C9orf43: variants seen among roughly 807,000 people sequenced by gnomAD.
The protein encoded by C9orf43 is uncharacterized protein C9orf43.
In C9orf43, 45 loss-of-function variants were observed where a neutral mutation model predicts 59.1. The observed-to-expected ratio is 0.76, with a 90% confidence interval of 0.60 to 0.98. The LOEUF (loss-of-function observed/expected upper bound fraction) is 0.98, where lower values mean the gene tolerates loss of function less well. Ranked by LOEUF, C9orf43 falls within the 50% of genes least tolerant of loss-of-function variation. The pLI, the probability that C9orf43 is intolerant of heterozygous loss-of-function variation, is 0.00. For missense variants in C9orf43, 533 were observed against 554.9 expected, an observed-to-expected ratio of 0.96 and a Z score of 0.40; for synonymous variants, 203 against 196.8, an observed-to-expected ratio of 1.03 and a Z score of -0.26.
At position 113,413,454 on chromosome 9, in the gene C9orf43, A is replaced by G. The variant is rs1828245697; in HGVS notation, c.-40A>G. 2 of 1,592,484 alleles carry G rather than the reference A, an allele frequency of 1.3e-6. No homozygotes were observed. The highest frequency in any genetic ancestry group is 1.7e-6 in the Non-Finnish European group (2 of 1,163,814). On this transcript the variant is annotated 5_prime_UTR_variant, in exon 2 of 14. An upstream start codon of the reference 5' UTR is lost. Coordinates refer to ENST00000374165, the MANE Select transcript of C9orf43 (RefSeq NM_001278629.2). ...GCTGTTGATTTTCCAGAGCACTAGAATGCTGCAGGGTTGGCCTTTGGCCTA... is the reference window on the plus strand; with the variant it reads ...GCTGTTGATTTTCCAGAGCACTAGAGTGCTGCAGGGTTGGCCTTTGGCCTA...
At position 113,424,220 on chromosome 9, in the gene C9orf43, G is replaced by T. The variant is rs781076077; in HGVS notation, c.711G>T (p.Leu237Phe). 60 of 1,613,874 alleles carry T rather than the reference G, an allele frequency of 3.7e-5. No homozygotes were observed. The highest frequency in any genetic ancestry group is 1.7e-4 in the Middle Eastern group (1 of 6,058). ...TMLCPEMKIK[L>F]AMMKKNLPLE... ...TCTGTCCAGAGATGAAGATAAAATT[G>T]GCCATGATGAAAAAGAATCTTCCCT... The change falls in exon 8 of 14, where the codon TTG becomes TTT. Residue 237 changes from leucine (L) to phenylalanine (F), a missense_variant. Transcript: ENST00000374165.
Position 113,429,280 on chromosome 9 carries a change from C to T in C9orf43, c.1280C>T (p.Ser427Leu), listed in dbSNP as rs1828901046. 6.2e-7 allele frequency: 1 copy of T among 1,614,114 alleles called. No individual in the cohort carries two copies. Among genetic ancestry groups the T allele is most frequent in the African/African-American group, 1.3e-5 (1 of 74,936 alleles). ...CAAAAGAAGATCTCCTTTAACTTTT[C>T]AGAAATTATGGCTAGCACAGGCTGG... ...ARQKKISFNF[S>L]EIMASTGWNS... Residue 427 changes from serine (S) to leucine (L), a missense_variant, in exon 14 of 14, where the codon TCA becomes TTA. By Grantham distance (145) the Ser-to-Leu change is moderately radical. Coordinates refer to ENST00000374165, the MANE Select transcript of C9orf43 (RefSeq NM_001278629.2).
chr9:113,418,193 A>G (rs1423908521), intron 3 of C9orf43, among the ~76,000 whole-genome samples: 10 of 152,230 alleles, frequency 6.6e-5, no homozygotes. Context: ...CATGTCAAAC[A>G]AAAACTGTAT....
intron 4 of C9orf43, among the ~76,000 whole-genome samples, chr9:113,419,422 A>G (rs1237836121): frequency 1.3e-5 from 2 of 152,152 alleles, no homozygotes; most frequent in Non-Finnish European, 2.9e-5. Context: ...TTCTGTCTCT[A>G]TCCTGCATAG....
chr9:113,410,828 G>C lies in C9orf43; in HGVS notation c.-223G>C, dbSNP rs1352701522. 3.7e-6 allele frequency: 2 copies of C among 535,738 alleles called. No individual in the cohort carries two copies. Among genetic ancestry groups the C allele is most frequent in the Non-Finnish European group, 4.8e-6 (2 of 415,760 alleles). The allele number at this position is 535,738 out of a possible 1,614,324, so 33.2% of individuals were successfully genotyped here. A position where few individuals can be genotyped will look rare whatever the true frequency, so the allele number is the denominator to read the frequency against. On this transcript the variant is annotated 5_prime_UTR_variant, in exon 1 of 14. Coordinates refer to ENST00000374165, the MANE Select transcript of C9orf43 (RefSeq NM_001278629.2). ...GGGCCACGTTTTACCACTTGATTTA[G>C]CAACCCTAAGCGGTTTGGAATCTGC...
In C9orf43 at chr9:113,417,927, A is replaced by G. The variant is rs1190085134; in HGVS notation, c.288-1181A>G. On this transcript the variant is annotated intron_variant, in intron 3 of 13. Coordinates refer to ENST00000374165, the MANE Select transcript of C9orf43 (RefSeq NM_001278629.2). Reference sequence around the variant, plus strand: ...TATCTTTTTTTTGTTTTTAAATTCCACTATCATTCCTAAAGATCTTTATCA... The same window carrying G: ...TATCTTTTTTTTGTTTTTAAATTCCGCTATCATTCCTAAAGATCTTTATCA... Among the ~76,000 whole-genome samples, 5 of 152,116 alleles carry G rather than the reference A, an allele frequency of 3.3e-5. No individual in the cohort carries two copies. The East Asian group carries it at 5.8e-4, about 18-fold the overall frequency.
At chr9:113,424,682 A>G (rs1350287393) in intron 8 of C9orf43, among the ~76,000 whole-genome samples, 1 of 151,946 alleles carries the variant, frequency 6.6e-6, no homozygotes, top group Non-Finnish European at 1.5e-5. Context: ...GTGCGCCACC[A>G]TGGCTGGCTA....
intron 4 of C9orf43, among the ~76,000 whole-genome samples, chr9:113,420,340 A>G (rs893284384): frequency 1.1e-4 from 16 of 152,080 alleles, no homozygotes; most frequent in Admixed American, 2.6e-4. Flanking sequence ...CAATCCTCCT[A>G]CCTCTGTCTA....
intron 3 of C9orf43, among the ~76,000 whole-genome samples, chr9:113,414,425 C>T (rs1341010370): frequency 6.6e-6 from 1 of 151,994 alleles, no homozygotes; most frequent in Non-Finnish European, 1.5e-5. Flanking sequence ...CAAGTGTGCA[C>T]CACCACGCCT....
intron 4 of C9orf43, 65 bp from the exon 5 acceptor site, chr9:113,421,038 A>G: frequency 7.9e-7 from 1 of 1,264,224 alleles, no homozygotes; most frequent in African/African-American, 1.5e-5. Flanking sequence ...TGCTTAGCAT[A>G]TCCTTAATCT....
rs369694632 is a variant in C9orf43, at chr9:113,423,424, G to T, written c.582G>T (p.Leu194Phe). ...TGCCTCCCCCAACCCCAGTGCAATT[G>T]TCTGAACAATTCAGTTCAGATTTCC... ...MIVPPPTPVQ[L>F]SEQFSSDFLP... The change falls in exon 7 of 14, where the codon TTG (leucine) becomes TTT (phenylalanine). Residue 194 changes from leucine (L) to phenylalanine (F), a missense_variant. By Grantham distance (22) the Leu-to-Phe change is conservative. Coordinates refer to ENST00000374165, the MANE Select transcript of C9orf43 (RefSeq NM_001278629.2). 13 of 1,613,904 alleles carry T rather than the reference G, an allele frequency of 8.1e-6. No homozygotes were observed. The highest frequency in any genetic ancestry group is 1.0e-5 in the Non-Finnish European group (12 of 1,179,954).
chr9:113,429,031 C>A, intron 13 of C9orf43, 68 bp downstream of exon 13: 1 of 1,529,002 alleles, frequency 6.5e-7, no homozygotes, highest in Non-Finnish European at 9.1e-7. Flanking sequence ...CTGTGTTGAC[C>A]AGGATAGTTT....
intron 5 of C9orf43, 35 bp from the exon 6 acceptor site, chr9:113,422,514 C>T: frequency 6.2e-7 from 1 of 1,609,608 alleles, no homozygotes; most frequent in Non-Finnish European, 8.5e-7. Context: ...AGCTGAGAAG[C>T]ATGTTTTGTT....
Position 113,428,198 on chromosome 9 carries a change from T to C in C9orf43, c.1082T>C (p.Met361Thr). The change falls in exon 12 of 14, where the codon ATG becomes ACG. Residue 361 changes from methionine (M) to threonine (T), a missense_variant. Coordinates refer to ENST00000374165, the MANE Select transcript of C9orf43 (RefSeq NM_001278629.2). ...AGTGACATGAAGCAGCAGCAGCAGA[T>C]GGAAAAAGGAACCACTTCGAAACAG... ...QNSDMKQQQQ[M>T]EKGTTSKQDS... 3.7e-6 allele frequency: 6 copies of C among 1,614,166 alleles called. No individual in the cohort carries two copies. The highest frequency in any genetic ancestry group is 5.1e-6 in the Non-Finnish European group (6 of 1,180,014).
rs768680450 is a variant in C9orf43 at position 113,423,482 on chromosome 9, C to G, written c.640C>G (p.Gln214Glu). The G allele has an allele frequency of 9.9e-6, 16 of 1,613,438 alleles. No homozygotes were observed. The highest frequency in any genetic ancestry group is 1.4e-5 in the Non-Finnish European group (16 of 1,179,540). The change falls in exon 7 of 14, where the codon CAG becomes GAG. Residue 214 changes from glutamine (Q) to glutamate (E), a missense_variant. By Grantham distance (29) the Gln-to-Glu change is conservative (BLOSUM62 2). Coordinates refer to ENST00000374165, the MANE Select transcript of C9orf43 (RefSeq NM_001278629.2). The stretch of plus-strand genomic sequence containing the variant: ...CTGGGCTCAATCCGAAGCGTTACCT[C>G]AGGATCTACTGAAGGAGTAAGTATC... ...PLWAQSEALP[Q>E]DLLKELLPGG... is the part of the protein sequence containing the mutation.
chr9:113,420,006 A>C (rs1828507377), intron 4 of C9orf43, among the ~76,000 whole-genome samples: 1 of 152,158 alleles, frequency 6.6e-6, no homozygotes, highest in African/African-American at 2.4e-5. Context: ...GAGATGGTAG[A>C]TGGTTTTGAA....
chr9:113,411,206 A>G, intron 1 of C9orf43: 1 of 649,792 alleles, frequency 1.5e-6, no homozygotes, highest in Non-Finnish European at 1.9e-6. Context: ...GCTTTCAAAA[A>G]CAAACCGTGT....
At chr9:113,426,822 T>C (rs1828809255) in intron 11 of C9orf43, among the ~76,000 whole-genome samples, 2 of 152,212 alleles carry the variant, frequency 1.3e-5, no homozygotes, top group Non-Finnish European at 2.9e-5. Context: ...GGGGTGCCTC[T>C]GTGAGTCATG....
At chr9:113,428,253 C>G in intron 12 of C9orf43, 30 bp downstream of exon 12, 1 of 1,596,610 alleles carries the variant, frequency 6.3e-7, no homozygotes, top group African/African-American at 1.3e-5. Context: ...TCTGCTAGGA[C>G]CCAGTTTCAG....
Sources: gnomAD v4.1 joint callset for allele counts (sites outside exome capture counted in the v4.1 genomes callset) on GRCh38, gnomAD v4.1.1 for gene constraint, MANE v1.5 for transcripts, NCBI Gene and HGNC (gene_info 2026-07-23, HGNC 2026-07-21) for gene names.